RHOG: variants seen among roughly 807,000 people sequenced by gnomAD.
The protein encoded by RHOG is rho-related GTP-binding protein RhoG.
Under a neutral mutation model 12.3 loss-of-function variants are expected in RHOG, and 1 was observed. That is an observed-to-expected ratio of 0.08 (90% confidence interval 0.03 to 0.39). RHOG has a LOEUF of 0.39. Among genes scored for constraint, RHOG ranks in the 10% least tolerant of loss-of-function variants. The pLI is 0.99. For missense variants in RHOG, 114 were observed against 266.2 expected, an observed-to-expected ratio of 0.43 and a Z score of 3.98; for synonymous variants, 129 against 116.0, an observed-to-expected ratio of 1.11 and a Z score of -0.72.
intron 1 of RHOG, 127 bp downstream of exon 1, chr11:3,840,767 C>G (rs1259798730): frequency 2.6e-5 from 4 of 152,344 alleles, no homozygotes; most frequent in African/African-American, 7.3e-5. Context: ...CCTACTTGGA[C>G]TGAACCGAGA....
intron 1 of RHOG, among the ~76,000 whole-genome samples, chr11:3,838,878 T>A (rs997969669): frequency 6.6e-6 from 1 of 152,048 alleles, no homozygotes. Flanking sequence ...TTGGGAGGAA[T>A]TCCTGAGAAG....
At chr11:3,836,255 G>A (rs1384997968) in intron 1 of RHOG, among the ~76,000 whole-genome samples, 1 of 151,118 alleles carries the variant, frequency 6.6e-6, no homozygotes, top group Non-Finnish European at 1.5e-5. Context: ...TACTCAGGAG[G>A]CTGAGGGAGG....
Position 3,827,290 on chromosome 11 carries a change from C to G in RHOG, c.*273G>C. 2.0e-6 allele frequency: 1 copy of G among 495,336 alleles called. No homozygotes were observed. 30.7% of individuals were successfully genotyped at this position (495,336 alleles called of 1,614,324 possible). ...GTCAGTAGCGGAAAATGGGAGGGGG[C>G]ACTGGGTTGGCCTCTTGGGGAGGGG... On this transcript the variant is annotated 3_prime_UTR_variant, in exon 2 of 2. Coordinates refer to ENST00000351018, the MANE Select transcript of RHOG (RefSeq NM_001665.4). This position sits in a 1 kb window ranked among gnomAD's most constrained non-coding sequence, Gnocchi z 7.3.
Position 3,827,765 on chromosome 11 carries a change from G to A in RHOG, c.374C>T (p.Thr125Ile). ...TKKDLRAQPD[T>I]LRRLKEQGQA... is the part of the protein sequence containing the mutation. ...GCCCTGCTCCTTGAGGCGCCGTAGG[G>A]TGTCAGGCTGGGCTCTCAGGTCCTT... is the stretch of plus-strand genomic sequence containing the variant. Residue 125 changes from threonine to isoleucine, a missense_variant, in exon 2 of 2, where the codon ACC (threonine) becomes ATC (isoleucine). Physicochemically the swap from Thr to Ile is moderately conservative, Grantham distance 89. Transcript: ENST00000351018. This position sits in a 1 kb window ranked among gnomAD's most constrained non-coding sequence, Gnocchi z 7.3. 1 of 1,613,916 alleles carries A rather than the reference G, an allele frequency of 6.2e-7. No homozygotes were observed. Among genetic ancestry groups the A allele is most frequent in the South Asian group, 1.1e-5 (1 of 91,074 alleles).
chr11:3,831,879 G>A (rs7342232), intron 1 of RHOG, among the ~76,000 whole-genome samples: 10,441 of 152,206 alleles, frequency 0.069, 1,064 homozygotes, highest in African/African-American at 0.22. Flanking sequence ...GGAAGGCAAG[G>A]AGGGAACTCC....
intron 1 of RHOG, among the ~76,000 whole-genome samples, chr11:3,840,258 C>A (rs1484848035): frequency 6.6e-6 from 1 of 152,080 alleles, no homozygotes; most frequent in East Asian, 1.9e-4. Context: ...CACTAAATAC[C>A]TACTGCTTGG....
intron 1 of RHOG, among the ~76,000 whole-genome samples, chr11:3,833,945 T>C (rs1019406147): frequency 1.3e-5 from 2 of 152,156 alleles, no homozygotes; most frequent in Admixed American, 6.5e-5. Context: ...TGGATATCCA[T>C]TGCATGGCTA....
In RHOG at chr11:3,827,990, G is replaced by C. The variant is rs1303873523; in HGVS notation, c.149C>G (p.Thr50Arg). ...AGTGTCCCACAGGTTCAGGTTCACT[G>C]TGCGCCCGTCAACTGCGCTCTGCGC... The part of the protein sequence containing the change: ...YSAQSAVDGR[T>R]VNLNLWDTAG... Residue 50 changes from threonine to arginine, a missense_variant, in exon 2 of 2, where the codon ACA becomes AGA. Coordinates refer to ENST00000351018, the MANE Select transcript of RHOG (RefSeq NM_001665.4). This position sits in a 1 kb window ranked among gnomAD's most constrained non-coding sequence, Gnocchi z 7.3. The C allele has an allele frequency of 6.2e-7, 1 of 1,614,266 alleles. No individual in the cohort carries two copies. The highest frequency in any genetic ancestry group is 8.5e-7 in the Non-Finnish European group (1 of 1,180,052).
At chr11:3,828,801 T>C (rs1475456120) in intron 1 of RHOG, among the ~76,000 whole-genome samples, 1 of 151,706 alleles carries the variant, frequency 6.6e-6, no homozygotes, top group East Asian at 1.9e-4. Flanking sequence ...TTTGTATTTT[T>C]AGTAGAGATG....
At chr11:3,833,046 C>T (rs2090139218) in intron 1 of RHOG, among the ~76,000 whole-genome samples, 1 of 151,756 alleles carries the variant, frequency 6.6e-6, no homozygotes. Flanking sequence ...ACAGCAAGAC[C>T]CCATGTCTCA....
chr11:3,833,974 G>C (rs2090143614), intron 1 of RHOG, among the ~76,000 whole-genome samples: 1 of 152,206 alleles, frequency 6.6e-6, no homozygotes, highest in Admixed American at 6.5e-5. Context: ...CCAGGTTAGA[G>C]TGCAGTGTCG....
intron 1 of RHOG, among the ~76,000 whole-genome samples, chr11:3,832,533 T>A (rs949433703): frequency 6.6e-6 from 1 of 152,128 alleles, no homozygotes; most frequent in African/African-American, 2.4e-5. Flanking sequence ...ACCATGGGAA[T>A]GAATACACTT....
At chr11:3,835,713 T>G (rs1043649202) in intron 1 of RHOG, among the ~76,000 whole-genome samples, 1 of 151,984 alleles carries the variant, frequency 6.6e-6, no homozygotes, top group African/African-American at 2.4e-5. Flanking sequence ...AGCTCAGAGA[T>G]GATGAGGAAG....
intron 1 of RHOG, among the ~76,000 whole-genome samples, chr11:3,839,485 AAC>A (rs71041402): frequency 0.11 from 14,895 of 141,698 alleles, 817 homozygotes; most frequent in African/African-American, 0.14. Flanking sequence ...CGCGCGCGCG[AAC>A]ACACACACAC....
rs1285681315 is a variant in RHOG, at chr11:3,840,959, T to C, written c.-134A>G. 6.8e-6 allele frequency: 1 copy of C among 146,588 alleles called. No homozygotes were observed. The highest frequency in any genetic ancestry group is 2.5e-5 in the African/African-American group (1 of 39,428). 9.1% of individuals were successfully genotyped at this position (146,588 alleles called of 1,614,324 possible). On this transcript the variant is annotated 5_prime_UTR_variant, in exon 1 of 2. Coordinates refer to ENST00000351018, the MANE Select transcript of RHOG (RefSeq NM_001665.4). ...AGCGGCTCCGGGCTCGAGAAGGAAG[T>C]GAGAGCGGGAGGCCGGAGGAAGTGG...
intron 1 of RHOG, among the ~76,000 whole-genome samples, chr11:3,836,071 C>T (rs1036861032): frequency 7.9e-5 from 12 of 151,580 alleles, no homozygotes; most frequent in Non-Finnish European, 8.8e-5. Context: ...AAAAAAAATC[C>T]CCCGGGTGCC....
rs577525898 is a variant in RHOG, at chr11:3,827,430, GAA to G, written c.*131_*132del. On this transcript the variant is annotated 3_prime_UTR_variant, in exon 2 of 2. Transcript: ENST00000351018. The surrounding 1 kb of genome is among the most constrained non-coding windows in gnomAD (Gnocchi z 7.3). The stretch of plus-strand genomic sequence containing the variant: ...CCTTAAGGAGAAAAAGGCACTCAGA[GAA>G]AAAGGCATTCAGGGAACCCCCTGGA... The G allele has an allele frequency of 7.8e-4, 555 of 714,232 alleles. 3 individuals are homozygous for G. The African/African-American group carries it at 8.8e-3, about 11-fold the overall frequency. 44.2% of individuals were successfully genotyped at this position (714,232 alleles called of 1,614,324 possible).
At chr11:3,829,745 A>G (rs940951256) in intron 1 of RHOG, among the ~76,000 whole-genome samples, 9 of 151,000 alleles carry the variant, frequency 6.0e-5, no homozygotes, top group African/African-American at 2.2e-4. Context: ...GGTGGGGTGG[A>G]GCAAATTTTT....
At chr11:3,838,734 G>C (rs2090170636) in intron 1 of RHOG, among the ~76,000 whole-genome samples, 1 of 152,066 alleles carries the variant, frequency 6.6e-6, no homozygotes, top group African/African-American at 2.4e-5. Context: ...TTTTTTTCTA[G>C]TGGAGAGAAA....
Sources: allele counts gnomAD v4.1 joint callset (sites outside exome capture counted in the v4.1 genomes callset), GRCh38; gene constraint gnomAD v4.1.1; non-coding constraint Gnocchi (gnomAD v3.1); transcripts MANE v1.5; gene names NCBI Gene and HGNC (gene_info 2026-07-23, HGNC 2026-07-21).